EBF1: variants seen among roughly 807,000 people sequenced by gnomAD.
The protein encoded by EBF1 is EBF transcription factor 1, also known as transcription factor COE1.
EBF1 carries 10 observed loss-of-function variants against 68.4 expected under a neutral mutation model. The observed-to-expected ratio is 0.15, with a 90% CI of 0.09 to 0.25. EBF1 has a LOEUF of 0.25. Ranked by LOEUF, EBF1 falls within the 10% of genes least tolerant of loss-of-function variation. The probability of loss-of-function intolerance (pLI) is 1.00; values close to 1 mark genes in which losing one functional copy is unlikely to be tolerated. For missense variants in EBF1, 509 were observed against 794.4 expected, an observed-to-expected ratio of 0.64 and a Z score of 4.32; for synonymous variants, 298 against 299.8, an observed-to-expected ratio of 0.99 and a Z score of 0.06.
At chr5:158,959,550 C>G (rs1319081913) in intron 6 of EBF1, among the ~76,000 whole-genome samples, 1 of 151,992 alleles carries the variant, frequency 6.6e-6, no homozygotes, top group East Asian at 1.9e-4. Flanking sequence ...CCTCGGCCTC[C>G]CAAAGTGCTG....
intron 5 of EBF1, among the ~76,000 whole-genome samples, chr5:159,082,230 A>G (rs1477414343): frequency 2.0e-5 from 3 of 152,140 alleles, no homozygotes; most frequent in East Asian, 3.9e-4. Flanking sequence ...CATAGCCAAC[A>G]TACTATAAAT....
In EBF1 at chr5:158,840,657, T is replaced by G. The variant is rs924400280; in HGVS notation, c.555-547A>C. ...TCAAATACCTCCTGTTTTTTTTTTTTTTTTTTTTTTTTTTTGTTTTTTTTT... is the reference window on the plus strand; with the variant it reads ...TCAAATACCTCCTGTTTTTTTTTTTGTTTTTTTTTTTTTTTGTTTTTTTTT... On this transcript the variant is annotated intron_variant, in intron 6 of 15. Transcript: ENST00000313708. Among the ~76,000 whole-genome samples the G allele has an allele frequency of 7.2e-3, 689 of 96,068 alleles. 3 individuals are homozygous for G. The highest frequency in any genetic ancestry group is 0.023 in the African/African-American group (527 of 22,750). The allele number at this position is 96,068 out of a possible 152,430, so 63.0% of individuals were successfully genotyped here.
intron 6 of EBF1, among the ~76,000 whole-genome samples, chr5:158,949,442 C>T (rs2127496954): frequency 6.6e-6 from 1 of 152,164 alleles, no homozygotes; most frequent in East Asian, 1.9e-4. Context: ...CCAGCCTGGG[C>T]AACACAGTGA....
intron 10 of EBF1, among the ~76,000 whole-genome samples, chr5:158,743,290 G>A (rs1228500651): frequency 1.3e-5 from 2 of 152,204 alleles, no homozygotes; most frequent in Non-Finnish European, 2.9e-5. Flanking sequence ...AAGCATTCCA[G>A]GCAATAGGAA....
intron 6 of EBF1, among the ~76,000 whole-genome samples, chr5:158,994,294 G>A (rs1416643820): frequency 2.6e-5 from 4 of 152,192 alleles, no homozygotes; most frequent in South Asian, 4.1e-4. Flanking sequence ...AGTACAATGA[G>A]CGATCTGATT....
At chr5:158,702,743 C>CAAAAAA (rs58496050) in intron 15 of EBF1, among the ~76,000 whole-genome samples, 22 of 41,620 alleles carry the variant, frequency 5.3e-4, no homozygotes, top group Non-Finnish European at 7.1e-4. Flanking sequence ...GACTCCTTCT[C>CAAAAAA]AAAAAAAAAA....
chr5:158,947,051 C>A (rs910041475), intron 6 of EBF1, among the ~76,000 whole-genome samples: 6 of 152,292 alleles, frequency 3.9e-5, no homozygotes, highest in Admixed American at 2.6e-4. Flanking sequence ...CAACCTCAAG[C>A]ATCCCAGGTT....
intron 6 of EBF1, among the ~76,000 whole-genome samples, chr5:158,910,418 T>A (rs1805708790): frequency 1.3e-5 from 2 of 152,246 alleles, no homozygotes; most frequent in Admixed American, 1.3e-4. Flanking sequence ...AGCATATGGA[T>A]ATGCTGAAGA....
intron 6 of EBF1, among the ~76,000 whole-genome samples, chr5:159,058,968 C>T (rs1365276029): frequency 6.6e-6 from 1 of 152,224 alleles, no homozygotes; most frequent in East Asian, 1.9e-4. Flanking sequence ...TCATAACCCC[C>T]AAATCCTTGA....
chr5:159,045,504 C>G (rs1772199064), intron 6 of EBF1, among the ~76,000 whole-genome samples: 2 of 151,860 alleles, frequency 1.3e-5, no homozygotes, highest in African/African-American at 2.4e-5. Flanking sequence ...AAAAAAAGAT[C>G]TGAAACTCCC....
At chr5:159,091,620 C>T (rs1361704934) in intron 4 of EBF1, among the ~76,000 whole-genome samples, 1 of 152,128 alleles carries the variant, frequency 6.6e-6, no homozygotes, top group Non-Finnish European at 1.5e-5. Context: ...AATGAAGAAC[C>T]ATGAACTGAA....
intron 10 of EBF1, among the ~76,000 whole-genome samples, chr5:158,773,944 G>A (rs1774472626): frequency 6.6e-6 from 1 of 152,102 alleles, no homozygotes; most frequent in Non-Finnish European, 1.5e-5. Flanking sequence ...ACGATAATAG[G>A]GCTTTGAAAT....
intron 6 of EBF1, among the ~76,000 whole-genome samples, chr5:159,014,977 C>T (rs1040883662): frequency 8.5e-5 from 13 of 152,174 alleles, no homozygotes; most frequent in Non-Finnish European, 1.8e-4. Flanking sequence ...AGGCTGCTTA[C>T]TTCCAGGCTT....
chr5:159,067,948 G>A (rs1192025136), intron 6 of EBF1, among the ~76,000 whole-genome samples: 4 of 152,090 alleles, frequency 2.6e-5, no homozygotes, highest in Non-Finnish European at 5.9e-5. Flanking sequence ...TTTTAACCAA[G>A]CAGTCAAGGT....
At chr5:158,964,789 A>G (rs1202899933) in intron 6 of EBF1, among the ~76,000 whole-genome samples, 4 of 152,212 alleles carry the variant, frequency 2.6e-5, no homozygotes, top group African/African-American at 9.6e-5. Context: ...CTCTTGGTAC[A>G]GTGTTTACTC....
intron 5 of EBF1, among the ~76,000 whole-genome samples, chr5:159,075,798 C>G (rs953102965): frequency 2.6e-5 from 4 of 152,234 alleles, no homozygotes; most frequent in African/African-American, 7.2e-5. Flanking sequence ...CCTTCTGCCC[C>G]CTTCCTCCAA....
chr5:158,933,801 A>C (rs966606124), intron 6 of EBF1, among the ~76,000 whole-genome samples: 1 of 152,250 alleles, frequency 6.6e-6, no homozygotes, highest in Non-Finnish European at 1.5e-5. Context: ...TAAAGTAAGC[A>C]TACAAAAACA....
At chr5:158,873,141 C>T (rs1321701239) in intron 6 of EBF1, among the ~76,000 whole-genome samples, 1 of 151,480 alleles carries the variant, frequency 6.6e-6, no homozygotes, top group Non-Finnish European at 1.5e-5. Flanking sequence ...AAATGGGACT[C>T]CTGTGCCATT....
chr5:158,719,792 T>G (rs937661601), intron 11 of EBF1, among the ~76,000 whole-genome samples: 3 of 152,180 alleles, frequency 2.0e-5, no homozygotes, highest in African/African-American at 7.2e-5. Flanking sequence ...CATTAGATTT[T>G]GAGACTCTGG....
Sources: gnomAD v4.1 joint callset for allele counts (sites outside exome capture counted in the v4.1 genomes callset) on GRCh38, gnomAD v4.1.1 for gene constraint, MANE v1.5 for transcripts, NCBI Gene and HGNC (gene_info 2026-07-23, HGNC 2026-07-21) for gene names.